LRRC8B: variants seen among roughly 807,000 people sequenced by gnomAD.
LRRC8B encodes volume-regulated anion channel subunit LRRC8B.
Under a neutral mutation model 58.8 loss-of-function variants are expected in LRRC8B, and 23 were observed. The observed-to-expected ratio is 0.39, with a 90% CI of 0.28 to 0.55. The LOEUF is 0.55. Ranked by LOEUF, LRRC8B falls within the 20% of genes least tolerant of loss-of-function variation. The pLI is 0.62. For synonymous variants in LRRC8B, 359 were observed against 374.1 expected (o/e 0.96, Z 0.47); for missense variants, 694 against 936.0 (o/e 0.74, Z 3.37).
chr1:89,583,528 T>C lies in LRRC8B; in HGVS notation c.878T>C (p.Val293Ala). 1 of 1,613,098 alleles carries C rather than the reference T, an allele frequency of 6.2e-7. No individual in the cohort carries two copies. The highest frequency in any genetic ancestry group is 8.5e-7 in the Non-Finnish European group (1 of 1,180,038). The change falls in exon 5 of 6, where the codon GTG becomes GCG. Residue 293 changes from valine (V) to alanine (A), a missense_variant. Val to Ala is a moderately conservative substitution (Grantham distance 64). Coordinates refer to ENST00000330947, the MANE Select transcript of LRRC8B (RefSeq NM_001369817.2). This position sits in a 1 kb window ranked among gnomAD's most constrained non-coding sequence, Gnocchi z 5.2. Reference protein sequence around the residue: ...ITLEIDCSVDVQAFTGYKRYQ... With the variant: ...ITLEIDCSVDAQAFTGYKRYQ... ...CTTGAAATCGACTGTTCAGTTGATG[T>C]GCAGGCTTTTACAGGATATAAGCGC...
intron 5 of LRRC8B, 86 bp from the exon 6 acceptor site, chr1:89,592,685 T>G (rs1238899827): frequency 1.7e-6 from 2 of 1,147,370 alleles, no homozygotes; most frequent in Non-Finnish European, 2.5e-6. Context: ...AATGTTTTGT[T>G]TTTTTTTTTT....
chr1:89,544,029 C>G (rs915383188), intron 1 of LRRC8B, among the ~76,000 whole-genome samples: 1 of 152,254 alleles, frequency 6.6e-6, no homozygotes, highest in Non-Finnish European at 1.5e-5. Context: ...CTCTTGGACT[C>G]AAGTGATTCT....
In LRRC8B at chr1:89,555,159, C is replaced by CT. The variant is rs573271250; in HGVS notation, c.-240-13082dup. 9.2e-5 allele frequency among the ~76,000 whole-genome samples: 14 copies of CT among 152,228 alleles called. No individual in the cohort carries two copies. In the East Asian group the frequency reaches 1.5e-3, roughly 17 times the overall value. ...CTAATGTGGAGAAATGACCTGTCACCTTTTTTGGAATGTAGGCATTCTATG... is the reference window on the plus strand; with the variant it reads ...CTAATGTGGAGAAATGACCTGTCACCTTTTTTTGGAATGTAGGCATTCTATG... On this transcript the variant is annotated intron_variant, in intron 1 of 5. Transcript: ENST00000330947.
intron 1 of LRRC8B, among the ~76,000 whole-genome samples, chr1:89,555,932 T>C (rs1652155066): frequency 6.6e-6 from 1 of 152,068 alleles, no homozygotes. Flanking sequence ...CTGATAAGAG[T>C]GTCCTTTGTT....
Position 89,582,851 on chromosome 1 carries a change from C to T in LRRC8B, c.201C>T (p.Ala67=), listed in dbSNP as rs774068250. ...AAGTGGAATTTGACAATCACTGTGC[C>T]GTGCCTTGGGACATCCTGAAAGCCA... ...PCKVEFDNHC[A]VPWDILKASM... is the part of the protein sequence containing the mutation. Residue 67 remains alanine (A), a synonymous_variant, in exon 5 of 6, where the codon GCC becomes GCT. Coordinates refer to ENST00000330947, the MANE Select transcript of LRRC8B (RefSeq NM_001369817.2). 4.3e-6 allele frequency: 7 copies of T among 1,614,048 alleles called. No individual in the cohort carries two copies. The highest frequency in any genetic ancestry group is 4.0e-5 in the African/African-American group (3 of 74,908).
intron 5 of LRRC8B, among the ~76,000 whole-genome samples, chr1:89,586,195 C>T (rs1327040604): frequency 3.9e-5 from 6 of 152,132 alleles, no homozygotes; most frequent in Non-Finnish European, 8.8e-5. Flanking sequence ...CCAGGGTTTC[C>T]GATTCAGTAG....
At chr1:89,561,706 G>A (rs374855220) in intron 1 of LRRC8B, among the ~76,000 whole-genome samples, 4 of 133,068 alleles carry the variant, frequency 3.0e-5, no homozygotes, top group Admixed American at 8.0e-5. Context: ...GTAGGTATGC[G>A]GCGTTATTTC....
intron 1 of LRRC8B, among the ~76,000 whole-genome samples, chr1:89,543,361 G>T (rs1185085933): frequency 6.6e-6 from 1 of 152,134 alleles, no homozygotes; most frequent in East Asian, 1.9e-4. Context: ...CATTTGTTAG[G>T]AGTCTAAAAC....
rs114546771 is a variant in LRRC8B at position 89,557,685 on chromosome 1, C to T, written c.-240-10562C>T. 8.1e-3 allele frequency among the ~76,000 whole-genome samples: 1,226 copies of T among 152,258 alleles called. 11 individuals are homozygous for T. Among genetic ancestry groups the T allele is most frequent in the African/African-American group, 0.028 (1,163 of 41,552 alleles). On this transcript the variant is annotated intron_variant, in intron 1 of 5. Coordinates refer to ENST00000330947, the MANE Select transcript of LRRC8B (RefSeq NM_001369817.2). ...TTCTCACTCTCACTAGTGCGAGGAG[C>T]GGAGAAACAAAATGAGACTGTACTC...
intron 5 of LRRC8B, among the ~76,000 whole-genome samples, chr1:89,591,745 C>T (rs745454716): frequency 2.6e-5 from 4 of 152,126 alleles, no homozygotes; most frequent in Admixed American, 2.6e-4. Flanking sequence ...TGCATTAGCC[C>T]GTCAGAGGAT....
At chr1:89,551,265 G>A (rs1570585476) in intron 1 of LRRC8B, among the ~76,000 whole-genome samples, 1 of 152,270 alleles carries the variant, frequency 6.6e-6, no homozygotes, top group East Asian at 1.9e-4. Context: ...GCTTTGGATG[G>A]TTGGAAGAGC....
intron 5 of LRRC8B, among the ~76,000 whole-genome samples, chr1:89,591,862 C>G (rs1195582031): frequency 6.6e-6 from 1 of 152,092 alleles, no homozygotes; most frequent in East Asian, 1.9e-4. Context: ...GCCCCTGTCC[C>G]CAGCCAATAT....
intron 1 of LRRC8B, among the ~76,000 whole-genome samples, chr1:89,566,580 T>A (rs554684690): frequency 6.6e-5 from 10 of 152,346 alleles, no homozygotes; most frequent in Non-Finnish European, 1.2e-4. Context: ...TCTTGATATC[T>A]TGCTAGATCT....
At chr1:89,526,617 C>A (rs974016432) in intron 1 of LRRC8B, among the ~76,000 whole-genome samples, 1 of 152,190 alleles carries the variant, frequency 6.6e-6, no homozygotes, top group East Asian at 1.9e-4. Context: ...GTAATTGGGC[C>A]TGTGTAATTT....
intron 1 of LRRC8B, among the ~76,000 whole-genome samples, chr1:89,552,634 G>C (rs1651906752): frequency 1.3e-5 from 2 of 152,126 alleles, no homozygotes; most frequent in Non-Finnish European, 1.5e-5. Flanking sequence ...TACCTAAGAA[G>C]CAAAAGATAC....
Position 89,575,547 on chromosome 1 carries a change from T to C in LRRC8B, c.-124-4044T>C, listed in dbSNP as rs931681980. ...CAGAATCTCAAGAAATAAAACCTTT[T>C]CTTAAGCCATTAAGGCTTGGAATAT... On this transcript the variant is annotated intron_variant, in intron 3 of 5. Transcript: ENST00000330947. Among the ~76,000 whole-genome samples the C allele has an allele frequency of 7.9e-5, 12 of 152,284 alleles. 1 individual carries two copies. Among genetic ancestry groups the C allele is most frequent in the Admixed American group, 6.5e-4 (10 of 15,292 alleles).
chr1:89,580,774 C>T (rs1654162081), intron 4 of LRRC8B, among the ~76,000 whole-genome samples: 1 of 151,830 alleles, frequency 6.6e-6, no homozygotes, highest in Non-Finnish European at 1.5e-5. Flanking sequence ...TATGTGATAC[C>T]CAGAGAGGAC....
intron 3 of LRRC8B, among the ~76,000 whole-genome samples, chr1:89,572,314 A>T (rs1448560135): frequency 2.6e-5 from 4 of 152,090 alleles, no homozygotes; most frequent in Non-Finnish European, 5.9e-5. Flanking sequence ...TCTGTTGATT[A>T]TGTGTCTTGG....
chr1:89,590,258 G>A (rs1197911025), intron 5 of LRRC8B, among the ~76,000 whole-genome samples: 3 of 152,100 alleles, frequency 2.0e-5, no homozygotes, highest in African/African-American at 7.2e-5. Flanking sequence ...GTTGACCCAG[G>A]CAAAATTGGA....
Sources: allele counts gnomAD v4.1 joint callset (sites outside exome capture counted in the v4.1 genomes callset), GRCh38; gene constraint gnomAD v4.1.1; non-coding constraint Gnocchi (gnomAD v3.1); transcripts MANE v1.5; gene names NCBI Gene and HGNC (gene_info 2026-07-23, HGNC 2026-07-21).